Variants in UBA1 observed in about 807,000 individuals in gnomAD.
UBA1 encodes ubiquitin-like modifier-activating enzyme 1.
UBA1 carries 4 observed loss-of-function variants against 84.7 expected under a neutral mutation model. That is an observed-to-expected ratio of 0.05 (90% CI 0.02 to 0.11). UBA1 has a LOEUF of 0.11. Among genes scored for constraint, UBA1 ranks in the 10% least tolerant of loss-of-function variants. The probability of loss-of-function intolerance (pLI) is 1.00; values close to 1 mark genes in which losing one functional copy is unlikely to be tolerated. For synonymous variants in UBA1, 364 were observed against 362.6 expected (o/e 1.00, Z -0.04); for missense variants, 513 against 902.8 (o/e 0.57, Z 5.53).
chrX:47,205,226 C>T, intron 14 of UBA1: 1 of 221,267 alleles, frequency 4.5e-6, no homozygotes, highest in South Asian at 5.1e-5. Flanking sequence ...AGGTGGGATC[C>T]AGGGGAGGAT....
intron 20 of UBA1, among the ~76,000 whole-genome samples, 189 bp from the exon 21 acceptor site, chrX:47,212,234 TC>T (rs1936955798): frequency 9.0e-6 from 1 of 110,825 alleles, no homozygotes; most frequent in Non-Finnish European, 1.9e-5. Flanking sequence ...CAGCTCTTTC[TC>T]TGTGTTTTTC....
chrX:47,211,423 T>C (rs1044743013), intron 20 of UBA1, among the ~76,000 whole-genome samples, 198 bp downstream of exon 20: 7 of 111,693 alleles, frequency 6.3e-5, no homozygotes, highest in African/African-American at 9.8e-5. Flanking sequence ...TCCTCCTCCT[T>C]CCCACTATCT....
intron 20 of UBA1, 87 bp downstream of exon 20, chrX:47,211,312 C>G: frequency 9.9e-7 from 1 of 1,011,449 alleles, no homozygotes; most frequent in Non-Finnish European, 1.4e-6. Flanking sequence ...ACCCCTGGTT[C>G]TGCTCTGCTC....
chrX:47,194,599 A>G (rs187066144), intron 1 of UBA1, among the ~76,000 whole-genome samples: 2 of 111,690 alleles, frequency 1.8e-5, no homozygotes, highest in African/African-American at 6.5e-5. Flanking sequence ...CAGGGGTACT[A>G]GACCCTGTGA....
At chrX:47,213,388 G>T (rs781955242) in intron 23 of UBA1, among the ~76,000 whole-genome samples, 1 of 112,208 alleles carries the variant, frequency 8.9e-6, no homozygotes, top group Non-Finnish European at 1.9e-5. Flanking sequence ...GAGATTATTA[G>T]TAACTACACA....
intron 1 of UBA1, chrX:47,198,430 C>T (rs782416313): frequency 3.5e-5 from 18 of 520,030 alleles, no homozygotes; most frequent in East Asian, 1.6e-4. Context: ...ACTGTTAGTG[C>T]GTGGCAGGCT....
Position 47,205,940 on chromosome X carries a change from C to T in UBA1, c.1576-8C>T. ...CCACCCTGGAACTGCACTTTCTTAA[C>T]CCTTTAGAAGTTAAAGTCTGACACG... On this transcript the variant is annotated splice_region_variant and splice_polypyrimidine_tract_variant and intron_variant, in intron 14 of 25. Coordinates refer to ENST00000335972, the MANE Select transcript of UBA1 (RefSeq NM_003334.4). 8.3e-7 allele frequency: 1 copy of T among 1,202,325 alleles called. No homozygotes were observed. Among genetic ancestry groups the T allele is most frequent in the Non-Finnish European group, 1.1e-6 (1 of 890,389 alleles).
chrX:47,197,543 A>C lies in UBA1; in HGVS notation c.1-1260A>C, dbSNP rs1465200048. On this transcript the variant is annotated intron_variant, in intron 1 of 25. Coordinates refer to ENST00000335972, the MANE Select transcript of UBA1 (RefSeq NM_003334.4). ...AGTGCCTAGAGGAGCACTTGGGGTGAGGGGAAGTGACGCTGGGTCCTCCCA... is the reference window on the plus strand; with the variant it reads ...AGTGCCTAGAGGAGCACTTGGGGTGCGGGGAAGTGACGCTGGGTCCTCCCA... 4.0e-6 allele frequency: 3 copies of C among 752,992 alleles called. No individual in the cohort carries two copies. The African/African-American group carries it at 7.0e-5, about 17-fold the overall frequency. 62.1% of individuals were successfully genotyped at this position (752,992 alleles called of 1,213,427 possible). A position where few individuals can be genotyped will look rare whatever the true frequency, so the allele number is the denominator to read the frequency against.
intron 22 of UBA1, 58 bp from the exon 23 acceptor site, chrX:47,212,932 T>A: frequency 8.3e-7 from 1 of 1,207,701 alleles, no homozygotes; most frequent in Admixed American, 2.2e-5. Flanking sequence ...AGCCCCTCTG[T>A]AGACCCTGAG....
intron 5 of UBA1, among the ~76,000 whole-genome samples, chrX:47,200,275 C>A (rs1936356224): frequency 8.9e-6 from 1 of 112,250 alleles, no homozygotes; most frequent in Admixed American, 9.4e-5. Context: ...GCACTGACTT[C>A]ATGGACTTTT....
intron 14 of UBA1, chrX:47,205,514 C>G (rs2147271123): frequency 2.9e-6 from 1 of 347,068 alleles, no homozygotes; most frequent in Non-Finnish European, 5.8e-6. Flanking sequence ...CCTCCTAACT[C>G]AGGGCCTGGG....
chrX:47,206,279 C>T lies in UBA1; in HGVS notation c.1773C>T (p.Tyr591=). The T allele has an allele frequency of 8.3e-7, 1 of 1,209,009 alleles. No homozygotes were observed. The highest frequency in any genetic ancestry group is 2.2e-5 in the Admixed American group (1 of 45,740). ...RMYMDRRCVY[Y]RKPLLESGTL... ...ACATGGACCGCCGCTGTGTCTACTACCGGAAGCCACTGCTGGAGTCAGGCA... is the reference window on the plus strand; with the variant it reads ...ACATGGACCGCCGCTGTGTCTACTATCGGAAGCCACTGCTGGAGTCAGGCA... Residue 591 remains tyrosine (Y), a synonymous_variant, in exon 16 of 26, where the codon TAC becomes TAT. Coordinates refer to ENST00000335972, the MANE Select transcript of UBA1 (RefSeq NM_003334.4).
rs1228999615 is a variant in UBA1, at chrX:47,204,207, TG to T, written c.1575+515del. ...TTAGTGCTGGTTGGGACAGTGTGTC[TG>T]GGGTCCTCAAAACTACTCTCAAGCT... On this transcript the variant is annotated intron_variant, in intron 14 of 25. Transcript: ENST00000335972. Among the ~76,000 whole-genome samples, 88 of 91,427 alleles carry T rather than the reference TG, an allele frequency of 9.6e-4. 1 individual carries two copies. Among genetic ancestry groups the T allele is most frequent in the Non-Finnish European group, 2.7e-4 (13 of 47,529 alleles). 79.4% of individuals were successfully genotyped at this position (91,427 alleles called of 115,157 possible).
intron 1 of UBA1, chrX:47,197,260 AG>A: frequency 1.3e-6 from 1 of 754,901 alleles, no homozygotes; most frequent in Non-Finnish European, 1.6e-6. Flanking sequence ...CCTCTGGGCG[AG>A]TGAATGGGGT....
At chrX:47,200,604 T>C (rs1936367637) in intron 5 of UBA1, among the ~76,000 whole-genome samples, 1 of 112,137 alleles carries the variant, frequency 8.9e-6, no homozygotes, top group Non-Finnish European at 1.9e-5. Flanking sequence ...CTCCAGTGTC[T>C]CACAGGGCAT....
In UBA1 at chrX:47,214,782, C is replaced by T. The variant is rs782361357; in HGVS notation, c.3042-12C>T. 2.5e-6 allele frequency: 3 copies of T among 1,210,512 alleles called. No individual in the cohort carries two copies. Among genetic ancestry groups the T allele is most frequent in the Non-Finnish European group, 3.3e-6 (3 of 895,542 alleles). On this transcript the variant is annotated splice_polypyrimidine_tract_variant and intron_variant, in intron 25 of 25. Transcript: ENST00000335972. ...CCCTCCTGACCCTATACTCCCATCC[C>T]CCTATCCCCAGGATGACAGAGATTG...
At chrX:47,201,075 T>C (rs1344489084) in intron 6 of UBA1, 75 bp downstream of exon 6, 1 of 967,181 alleles carries the variant, frequency 1.0e-6, no homozygotes, top group Non-Finnish European at 1.4e-6. Flanking sequence ...GACTCTAGGC[T>C]CTCCCTGCCC....
Position 47,201,576 on chromosome X carries a change from C to T in UBA1, c.777C>T (p.Leu259=). ...SFSEVQGMVE[L]NGNQPMEIKV... is the part of the protein sequence containing the mutation. ...CAGAAGTACAGGGCATGGTTGAACT[C>T]AACGGAAATCAGCCCATGGAGATCA... The change falls in exon 8 of 26, where the codon CTC becomes CTT. Residue 259 remains leucine, a synonymous_variant. Transcript: ENST00000335972. The T allele has an allele frequency of 1.7e-6, 2 of 1,211,796 alleles. No individual in the cohort carries two copies. Among genetic ancestry groups the T allele is most frequent in the South Asian group, 3.5e-5 (2 of 56,991 alleles).
intron 20 of UBA1, among the ~76,000 whole-genome samples, chrX:47,211,903 C>T (rs1556793570): frequency 9.2e-6 from 1 of 108,966 alleles, no homozygotes; most frequent in Admixed American, 9.8e-5. Context: ...CTCTCATCAC[C>T]TTCATATATT....
Sources: gnomAD v4.1 joint callset for allele counts (sites outside exome capture counted in the v4.1 genomes callset) on GRCh38, gnomAD v4.1.1 for gene constraint, MANE v1.5 for transcripts, NCBI Gene and HGNC (gene_info 2026-07-23, HGNC 2026-07-21) for gene names.